Variants in MGAM2 observed in about 807,000 individuals in gnomAD.
MGAM2 encodes probable maltase-glucoamylase 2.
In MGAM2, 98 loss-of-function variants were observed where a neutral mutation model predicts 96.1. The ratio of observed to expected loss-of-function variants is 1.02; its 90% CI spans 0.87 to 1.21. MGAM2 has a LOEUF of 1.21. Ranked by LOEUF, MGAM2 falls within the 50% of genes most tolerant of loss-of-function variation. The pLI, the probability that MGAM2 is intolerant of heterozygous loss-of-function variation, is 0.00. For missense variants in MGAM2, 2,055 were observed against 1,182.4 expected (o/e 1.74, Z -10.82); for synonymous variants, 749 against 414.8 (o/e 1.81, Z -9.79).
intron 32 of MGAM2, among the ~76,000 whole-genome samples, chr7:142,182,026 A>G (rs567680832): frequency 6.6e-6 from 1 of 152,226 alleles, no homozygotes; most frequent in East Asian, 1.9e-4. Flanking sequence ...GCTGGTAAAC[A>G]GGCTACATCC....
intron 46 of MGAM2, among the ~76,000 whole-genome samples, chr7:142,210,805 C>T (rs970810501): frequency 2.6e-5 from 4 of 152,230 alleles, no homozygotes; most frequent in Admixed American, 6.5e-5. Flanking sequence ...CTGAAGAGAG[C>T]AGTGGATCTC....
chr7:142,197,962 G>A (rs76467931), intron 42 of MGAM2, among the ~76,000 whole-genome samples, 177 bp from the exon 43 acceptor site: 1 of 10,584 alleles, frequency 9.4e-5, no homozygotes, highest in Non-Finnish European at 2.0e-4. Flanking sequence ...TTTAAAAATA[G>A]TTTTTTCTGT....
Position 142,171,330 on chromosome 7 carries a change from C to T in MGAM2, c.3241C>T (p.Arg1081Cys), listed in dbSNP as rs907904679. The change falls in exon 28 of 48, where the codon CGT (arginine) becomes TGT (cysteine). Residue 1081 changes from arginine (R) to cysteine (C), a missense_variant. Physicochemically the swap from Arg to Cys is radical, Grantham distance 180 (BLOSUM62 -3). Coordinates refer to ENST00000477922, the MANE Select transcript of MGAM2 (RefSeq NM_001293626.2). ...TGACATGTTTCTCTCCATTTCTACGCGTCTGCCGTCCCAGTACATCTATGG... is the reference window on the plus strand; with the variant it reads ...TGACATGTTTCTCTCCATTTCTACGTGTCTGCCGTCCCAGTACATCTATGG... Reference protein sequence around the residue: ...FNDMFLSISTRLPSQYIYGFG... With the variant: ...FNDMFLSISTCLPSQYIYGFG... 16 of 702,968 alleles carry T rather than the reference C, an allele frequency of 2.3e-5. No individual in the cohort carries two copies. Among genetic ancestry groups the T allele is most frequent in the Middle Eastern group, 4.6e-4 (2 of 4,372 alleles). 43.5% of individuals were successfully genotyped at this position (702,968 alleles called of 1,614,324 possible).
At chr7:142,159,614 T>A (rs1467948314) in intron 20 of MGAM2, among the ~76,000 whole-genome samples, 1 of 152,174 alleles carries the variant, frequency 6.6e-6, no homozygotes, top group African/African-American at 2.4e-5. Context: ...ATTCCGTGTC[T>A]GGTGAAGGCC....
rs1013261457 is a variant in MGAM2, at chr7:142,148,376, A to G, written c.1634+803A>G. ...CACCACCACCACTACCATGACCACCACCACCATCCCTACCACCACCATCAC... is the reference window on the plus strand; with the variant it reads ...CACCACCACCACTACCATGACCACCGCCACCATCCCTACCACCACCATCAC... On this transcript the variant is annotated intron_variant, in intron 15 of 47. Coordinates refer to ENST00000477922, the MANE Select transcript of MGAM2 (RefSeq NM_001293626.2). The surrounding 1 kb of genome is among the most constrained non-coding windows in gnomAD (Gnocchi z 4.2). Among the ~76,000 whole-genome samples the G allele has an allele frequency of 1.3e-5, 2 of 151,512 alleles. No individual in the cohort carries two copies. The highest frequency in any genetic ancestry group is 2.9e-5 in the Non-Finnish European group (2 of 67,836).
rs1336915374 is a variant in MGAM2 at position 142,220,065 on chromosome 7, A to G, written c.5554A>G (p.Thr1852Ala). The stretch of plus-strand genomic sequence containing the variant: ...CAGTTCTGCCAGTGCAAATACTACC[A>G]CTGGCACTACTGATACTGTTCCTAT... The part of the protein sequence containing the change: ...ITSSASANTT[T>A]GTTDTVPITT... The change falls in exon 48 of 48, where the codon ACT becomes GCT. Residue 1852 changes from threonine to alanine, a missense_variant. Physicochemically the swap from Thr to Ala is moderately conservative, Grantham distance 58 (BLOSUM62 0). Coordinates refer to ENST00000477922, the MANE Select transcript of MGAM2 (RefSeq NM_001293626.2). 1.4e-6 allele frequency: 1 copy of G among 702,742 alleles called. No individual in the cohort carries two copies. The highest frequency in any genetic ancestry group is 1.7e-5 in the African/African-American group (1 of 57,222). The allele number at this position is 702,742 out of a possible 1,614,324, so 43.5% of individuals were successfully genotyped here.
intron 3 of MGAM2, among the ~76,000 whole-genome samples, chr7:142,125,205 G>A (rs1794699552): frequency 6.6e-6 from 1 of 152,074 alleles, no homozygotes; most frequent in Admixed American, 6.6e-5. Flanking sequence ...TATAGAAGAG[G>A]AATTTCCTGG....
chr7:142,183,431 C>T (rs1796599953), intron 33 of MGAM2, 58 bp downstream of exon 33: 3 of 690,328 alleles, frequency 4.3e-6, no homozygotes, highest in East Asian at 5.4e-5. Context: ...TGAAATAAAA[C>T]AGCTCTCAAT....
At chr7:142,215,371 T>C (rs958554547) in intron 46 of MGAM2, among the ~76,000 whole-genome samples, 2 of 151,740 alleles carry the variant, frequency 1.3e-5, no homozygotes, top group South Asian at 2.1e-4. Flanking sequence ...GATGGGTTGA[T>C]GGATGCAGCA....
At position 142,148,415 on chromosome 7, in the gene MGAM2, C is replaced by T. The variant is rs1282289372; in HGVS notation, c.1634+842C>T. On this transcript the variant is annotated intron_variant, in intron 15 of 47. Coordinates refer to ENST00000477922, the MANE Select transcript of MGAM2 (RefSeq NM_001293626.2). The surrounding 1 kb of genome is among the most constrained non-coding windows in gnomAD (Gnocchi z 4.2). ...CACCACCATCACCATCATCACTATC[C>T]CCATCACCACCATGACTATCACCAT... is the stretch of plus-strand genomic sequence containing the variant. Among the ~76,000 whole-genome samples the T allele has an allele frequency of 6.6e-6, 1 of 151,868 alleles. No homozygotes were observed. The highest frequency in any genetic ancestry group is 1.5e-5 in the Non-Finnish European group (1 of 67,954).
At chr7:142,138,475 A>T in intron 9 of MGAM2, 67 bp from the exon 10 acceptor site, 1 of 664,866 alleles carries the variant, frequency 1.5e-6, no homozygotes. Flanking sequence ...CAGCTCTGGG[A>T]ACTTCACAGA....
At chr7:142,169,788 T>C (rs1796137034) in intron 26 of MGAM2, among the ~76,000 whole-genome samples, 1 of 152,116 alleles carries the variant, frequency 6.6e-6, no homozygotes, top group South Asian at 2.1e-4. Context: ...TACAAACATA[T>C]ACACACACAT....
Position 142,159,361 on chromosome 7 carries a change from G to T in MGAM2, c.2220+18G>T. 1 of 702,210 alleles carries T rather than the reference G, an allele frequency of 1.4e-6. No homozygotes were observed. Among genetic ancestry groups the T allele is most frequent in the Non-Finnish European group, 2.6e-6 (1 of 384,418 alleles). 43.5% of individuals were successfully genotyped at this position (702,210 alleles called of 1,614,324 possible). On this transcript the variant is annotated intron_variant, in intron 20 of 47. Transcript: ENST00000477922. ...ATGAGACAGTAAGTAAGGCAGCCCT[G>T]GTTGGCTCACAGACCTGCCTCTAGC...
intron 25 of MGAM2, among the ~76,000 whole-genome samples, chr7:142,166,456 C>G (rs2129088336): frequency 6.6e-6 from 1 of 152,276 alleles, no homozygotes; most frequent in East Asian, 1.9e-4. Context: ...CCACTCCAAC[C>G]ATATCATTAA....
At chr7:142,114,155 A>AAAGAAAG (rs1233791398) in intron 1 of MGAM2, among the ~76,000 whole-genome samples, 2 of 68,652 alleles carry the variant, frequency 2.9e-5, no homozygotes, top group African/African-American at 1.9e-4. Flanking sequence ...AGAAAGAAGG[A>AAAGAAAG]AAGAAAGAAA....
chr7:142,212,161 T>C (rs1797605753), intron 46 of MGAM2, among the ~76,000 whole-genome samples: 1 of 152,228 alleles, frequency 6.6e-6, no homozygotes, highest in South Asian at 2.1e-4. Flanking sequence ...CTGAGGGATT[T>C]GGTCACCACT....
intron 37 of MGAM2, among the ~76,000 whole-genome samples, chr7:142,194,700 G>A (rs1796976059): frequency 7.4e-6 from 1 of 135,028 alleles, no homozygotes; most frequent in African/African-American, 2.7e-5. Context: ...GTGTGTATGT[G>A]TGTGTGTGTG....
At position 142,209,505 on chromosome 7, in the gene MGAM2, G is replaced by A. The variant is rs116850739; in HGVS notation, c.5187+883G>A. Among the ~76,000 whole-genome samples, 368 of 152,324 alleles carry A rather than the reference G, an allele frequency of 2.4e-3. 1 individual carries two copies. The highest frequency in any genetic ancestry group is 3.7e-3 in the Non-Finnish European group (251 of 68,022). On this transcript the variant is annotated intron_variant, in intron 46 of 47. Transcript: ENST00000477922. ...TACATAATTTTAATTAGAGTATGAG[G>A]AGAATCATTCTAGGTCAAACTGGAT...
At chr7:142,142,143 G>A (rs989550788) in intron 12 of MGAM2, among the ~76,000 whole-genome samples, 2 of 120,274 alleles carry the variant, frequency 1.7e-5, no homozygotes, top group African/African-American at 6.5e-5. Context: ...TGACTCTTTC[G>A]ATGCTTAATT....
Sources: allele counts gnomAD v4.1 joint callset (sites outside exome capture counted in the v4.1 genomes callset), GRCh38; gene constraint gnomAD v4.1.1; non-coding constraint Gnocchi (gnomAD v3.1); transcripts MANE v1.5; gene names NCBI Gene and HGNC (gene_info 2026-07-23, HGNC 2026-07-21).